Variants in DIXDC1 observed in about 807,000 individuals in gnomAD.
DIXDC1 encodes dixin.
A neutral mutation model predicts 103.1 loss-of-function variants in DIXDC1; 64 were observed. The observed-to-expected ratio is 0.62, with a 90% CI of 0.51 to 0.76. The LOEUF is 0.76. Ranked by LOEUF, DIXDC1 falls within the 30% of genes least tolerant of loss-of-function variation. The pLI is 0.00. For synonymous variants in DIXDC1, 266 were observed against 298.5 expected, an observed-to-expected ratio of 0.89 and a Z score of 1.12; for missense variants, 759 against 834.2, an observed-to-expected ratio of 0.91 and a Z score of 1.11.
intron 1 of DIXDC1, among the ~76,000 whole-genome samples, chr11:111,955,102 C>T (rs73560079): frequency 0.06 from 9,105 of 151,990 alleles, 971 homozygotes; most frequent in African/African-American, 0.21. Context: ...AAACTATTCT[C>T]CAATAAAAGG....
chr11:112,007,940 T>C (rs1190737375), intron 17 of DIXDC1, among the ~76,000 whole-genome samples: 1 of 152,006 alleles, frequency 6.6e-6, no homozygotes, highest in Non-Finnish European at 1.5e-5. Flanking sequence ...AATGACAGGA[T>C]CAAATTCACA....
chr11:111,936,676 TTC>T, upstream of DIXDC1, among the ~76,000 whole-genome samples: 1 of 152,214 alleles, frequency 6.6e-6, no homozygotes, highest in South Asian at 2.1e-4. Flanking sequence ...CCTCTGCTCT[TTC>T]TCTTTCTTAT....
intron 17 of DIXDC1, among the ~76,000 whole-genome samples, chr11:112,016,401 T>A (rs1861591059): frequency 6.6e-6 from 1 of 152,214 alleles, no homozygotes; most frequent in Non-Finnish European, 1.5e-5. Context: ...AATCTTCCCA[T>A]GCTTCTCTGT....
chr11:111,990,332 C>G, intron 10 of DIXDC1, among the ~76,000 whole-genome samples: 1 of 151,626 alleles, frequency 6.6e-6, no homozygotes, highest in East Asian at 1.9e-4. Flanking sequence ...CTCAGGTGAT[C>G]CACCTGCCTC....
intron 10 of DIXDC1, among the ~76,000 whole-genome samples, chr11:111,990,941 G>C (rs587650931): frequency 6.6e-6 from 1 of 152,134 alleles, no homozygotes; most frequent in African/African-American, 2.4e-5. Context: ...TCCTGACCTC[G>C]TGATCCGCCT....
At chr11:111,968,902 G>A (rs1403338019) in intron 3 of DIXDC1, among the ~76,000 whole-genome samples, 2 of 151,978 alleles carry the variant, frequency 1.3e-5, no homozygotes, top group Non-Finnish European at 2.9e-5. Context: ...AGCCTCCCAA[G>A]TAGCTGGGAT....
rs1382588362 is a variant in DIXDC1 at position 111,995,246 on chromosome 11, GGCACTT to G, written c.1527+141_1527+146del. The G allele has an allele frequency of 3.1e-6, 4 of 1,307,678 alleles. No homozygotes were observed. In the African/African-American group the frequency reaches 5.9e-5, roughly 19 times the overall value. 81.0% of individuals were successfully genotyped at this position (1,307,678 alleles called of 1,614,324 possible). A position where few individuals can be genotyped will look rare whatever the true frequency, so the allele number is the denominator to read the frequency against. On this transcript the variant is annotated intron_variant, in intron 15 of 19. Transcript: ENST00000440460. ...ATCTGTGGAGTGTGTAAAGATGTGA[GGCACTT>G]GCTATCCAAAATTAAGAATTAGTGG...
chr11:112,014,650 T>A (rs1861531579), intron 17 of DIXDC1, among the ~76,000 whole-genome samples: 1 of 152,246 alleles, frequency 6.6e-6, no homozygotes. Context: ...GTATCCATCA[T>A]CCATACTAAA....
At chr11:111,938,360 C>G (rs1966293435) in intron 1 of DIXDC1, among the ~76,000 whole-genome samples, 2 of 152,194 alleles carry the variant, frequency 1.3e-5, no homozygotes, top group South Asian at 4.1e-4. Flanking sequence ...CAGCTAAGCC[C>G]TACTCTTGCG....
At chr11:111,968,176 A>C (rs1198620707) in intron 2 of DIXDC1, among the ~76,000 whole-genome samples, 8 of 152,216 alleles carry the variant, frequency 5.3e-5, no homozygotes, top group African/African-American at 1.7e-4. Flanking sequence ...AAATTCTATG[A>C]AGGGAGGGAC....
At position 112,000,708 on chromosome 11, in the gene DIXDC1, A is replaced by G. The variant is rs587611681; in HGVS notation, c.1756+4562A>G. ...AAGATTCTGTCTAAAAAAAAAAAAA[A>G]GGGCCAATAAACCCAAGAAAAGATG... On this transcript the variant is annotated intron_variant, in intron 17 of 19. Coordinates refer to ENST00000440460, the MANE Select transcript of DIXDC1 (RefSeq NM_001037954.4). 4.9e-4 allele frequency among the ~76,000 whole-genome samples: 74 copies of G among 151,874 alleles called. 1 individual carries two copies. The East Asian group carries it at 0.013, about 27-fold the overall frequency.
In DIXDC1 at chr11:112,017,836, G is replaced by A. The variant is rs1555177934; in HGVS notation, c.1922G>A (p.Arg641Gln). The A allele has an allele frequency of 2.5e-6, 4 of 1,611,640 alleles. No homozygotes were observed. Among genetic ancestry groups the A allele is most frequent in the South Asian group, 1.1e-5 (1 of 90,434 alleles). ...GCTATTGATCGGGAAGGAAATCACC[G>A]GTATCACTTCAAAGCACTGGATCCT... ...KAAIDREGNHRYHFKALDPEF... is the reference protein window; with the variant it reads ...KAAIDREGNHQYHFKALDPEF... Residue 641 changes from arginine (R) to glutamine (Q), a missense_variant, in exon 19 of 20, where the codon CGG (arginine) becomes CAG (glutamine). Around this residue, in one of 3 missense-constraint regions of DIXDC1, gnomAD observed 657 missense variants for 727.5 expected, o/e 0.90. Coordinates refer to ENST00000440460, the MANE Select transcript of DIXDC1 (RefSeq NM_001037954.4). The surrounding 1 kb of genome is among the most constrained non-coding windows in gnomAD (Gnocchi z 4.0).
At chr11:111,951,298 A>G (rs141895259) in intron 1 of DIXDC1, among the ~76,000 whole-genome samples, 123 of 152,330 alleles carry the variant, frequency 8.1e-4, no homozygotes, top group Non-Finnish European at 1.5e-3. Context: ...ACAGGCCCAG[A>G]TTATCTCATG....
At position 111,995,330 on chromosome 11, in the gene DIXDC1, C is replaced by T. The variant is rs965470486; in HGVS notation, c.1528-73C>T. 25 of 1,583,408 alleles carry T rather than the reference C, an allele frequency of 1.6e-5. No homozygotes were observed. In the African/African-American group the frequency reaches 2.6e-4, roughly 16 times the overall value. On this transcript the variant is annotated intron_variant, in intron 15 of 19. Transcript: ENST00000440460. ...GAAAAATCTTCTGGAAACTTCTCTC[C>T]TATATCCTTTTAAGCCCAGTGGTTG...
chr11:111,981,616 C>T (rs936251961), intron 6 of DIXDC1, among the ~76,000 whole-genome samples: 5 of 152,194 alleles, frequency 3.3e-5, no homozygotes, highest in Admixed American at 6.5e-5. Context: ...GCAGGCCCTG[C>T]ACATAAGTTA....
intron 15 of DIXDC1, 101 bp from the exon 16 acceptor site, chr11:111,995,302 G>T: frequency 6.7e-7 from 1 of 1,501,812 alleles, no homozygotes; most frequent in East Asian, 2.3e-5. Context: ...TGCTTCTGTG[G>T]GGGAAAAATC....
rs944543930 is a variant in DIXDC1, at chr11:112,021,207, G to T, written c.*2171G>T. ...TGTCTTTTGGAAAAGGAGCTGCATG[G>T]CCTCAGTGCCTCCATAAAAAGCTTA... On this transcript the variant is annotated 3_prime_UTR_variant, in exon 20 of 20. Transcript: ENST00000440460. 2.0e-5 allele frequency: 3 copies of T among 152,176 alleles called. No homozygotes were observed. Among genetic ancestry groups the T allele is most frequent in the Admixed American group, 6.5e-5 (1 of 15,280 alleles). The allele number at this position is 152,176 out of a possible 1,614,324, so 9.4% of individuals were successfully genotyped here. A position where few individuals can be genotyped will look rare whatever the true frequency, so the allele number is the denominator to read the frequency against.
At chr11:111,952,638 T>C (rs1404437567) in intron 1 of DIXDC1, among the ~76,000 whole-genome samples, 1 of 152,008 alleles carries the variant, frequency 6.6e-6, no homozygotes, top group Non-Finnish European at 1.5e-5. Context: ...CTGACCAACA[T>C]GGTGAAACCC....
chr11:112,005,146 G>A (rs1555176463), intron 17 of DIXDC1, among the ~76,000 whole-genome samples: 1 of 152,070 alleles, frequency 6.6e-6, no homozygotes, highest in Non-Finnish European at 1.5e-5. Context: ...TACAGGTGAG[G>A]AAGACTCAAC....
Sources: allele counts gnomAD v4.1 joint callset (sites outside exome capture counted in the v4.1 genomes callset), GRCh38; gene constraint gnomAD v4.1.1; regional missense constraint gnomAD v4.1.1; non-coding constraint Gnocchi (gnomAD v3.1); transcripts MANE v1.5; gene names NCBI Gene and HGNC (gene_info 2026-07-23, HGNC 2026-07-21).